The following DNER variants were observed in gnomAD, a reference collection of about 807,000 sequenced individuals.
DNER encodes the protein delta and Notch-like epidermal growth factor-related receptor.
Under a neutral mutation model 78.2 loss-of-function variants are expected in DNER, and 33 were observed. That is an observed-to-expected ratio of 0.42 (90% CI 0.32 to 0.56). The LOEUF (loss-of-function observed/expected upper bound fraction) is 0.56, where lower values mean the gene tolerates loss of function less well. Ranked by LOEUF, DNER falls within the 20% of genes least tolerant of loss-of-function variation. DNER has a pLI of 0.11. For missense variants in DNER, 918 were observed against 975.3 expected, an observed-to-expected ratio of 0.94 and a Z score of 0.78; for synonymous variants, 417 against 384.8, an observed-to-expected ratio of 1.08 and a Z score of -0.98.
intron 6 of DNER, among the ~76,000 whole-genome samples, chr2:229,478,087 G>A (rs1695074925): frequency 1.3e-5 from 2 of 152,132 alleles, no homozygotes; most frequent in Non-Finnish European, 2.9e-5. Context: ...GGTAAAGAAA[G>A]TTTGGAAAAT....
At chr2:229,520,424 T>C (rs1235907966) in intron 5 of DNER, among the ~76,000 whole-genome samples, 1 of 152,130 alleles carries the variant, frequency 6.6e-6, no homozygotes. Context: ...CCCAGGCCAA[T>C]TTTGATTTCC....
chr2:229,629,533 G>C (rs904238752), intron 1 of DNER, among the ~76,000 whole-genome samples: 1 of 152,188 alleles, frequency 6.6e-6, no homozygotes, highest in Non-Finnish European at 1.5e-5. Flanking sequence ...GCCAGTTTGA[G>C]TGAGTCAGCC....
At chr2:229,684,167 AGAGTGTGTGT>A (rs1169269294) in intron 1 of DNER, among the ~76,000 whole-genome samples, 3 of 103,180 alleles carry the variant, frequency 2.9e-5, no homozygotes, top group African/African-American at 7.8e-5. Context: ...AGAGAGAGAG[AGAGTGTGTGT>A]GTGTGTGTGT....
Position 229,415,070 on chromosome 2 carries a change from G to T in DNER, c.1609+3038C>A, listed in dbSNP as rs568133859. 2.0e-5 allele frequency among the ~76,000 whole-genome samples: 3 copies of T among 152,264 alleles called. No individual in the cohort carries two copies. The South Asian group carries it at 6.2e-4, about 32-fold the overall frequency. The stretch of plus-strand genomic sequence containing the variant: ...CCAGCTACTCAGGAGGCTGAGGCAG[G>T]AGAATCGCTTGAACCCAGGAGGTGG... On this transcript the variant is annotated intron_variant, in intron 9 of 12. Transcript: ENST00000341772.
intron 1 of DNER, among the ~76,000 whole-genome samples, chr2:229,669,369 C>CATATATATATATATATATATATATAT (rs58371383): frequency 4.8e-4 from 69 of 144,748 alleles, no homozygotes; most frequent in South Asian, 2.7e-3. Context: ...TGTATACATA[C>CATATATATATATATATATATATATAT]ATATATATAT....
intron 8 of DNER, among the ~76,000 whole-genome samples, chr2:229,427,880 G>T (rs1693914307): frequency 6.6e-6 from 1 of 151,938 alleles, no homozygotes. Context: ...TTCGAGACCA[G>T]CCTGACCAAC....
intron 10 of DNER, among the ~76,000 whole-genome samples, chr2:229,399,827 A>G (rs1693229748): frequency 6.6e-6 from 1 of 151,990 alleles, no homozygotes; most frequent in Admixed American, 6.6e-5. Context: ...ACATAAGCAA[A>G]TGTAAATAAA....
intron 1 of DNER, among the ~76,000 whole-genome samples, chr2:229,612,384 A>C (rs990759431): frequency 1.3e-5 from 2 of 152,182 alleles, no homozygotes; most frequent in Non-Finnish European, 2.9e-5. Context: ...CTGACTGTTA[A>C]AAGGACAAAA....
At chr2:229,586,874 G>A in intron 3 of DNER, 1 of 985,526 alleles carries the variant, frequency 1.0e-6, no homozygotes. Context: ...GGCTCCTGGC[G>A]TGCAGCAGGG....
At chr2:229,457,607 C>G (rs969932776) in intron 7 of DNER, among the ~76,000 whole-genome samples, 3 of 151,296 alleles carry the variant, frequency 2.0e-5, no homozygotes, top group Non-Finnish European at 4.4e-5. Flanking sequence ...ATTTACCCAC[C>G]CACCCCCACC....
chr2:229,379,354 T>C (rs769370537), intron 11 of DNER, among the ~76,000 whole-genome samples: 5 of 152,178 alleles, frequency 3.3e-5, no homozygotes, highest in African/African-American at 7.2e-5. Context: ...AGCCTTCCTA[T>C]AATCAAGTGA....
chr2:229,445,686 A>C (rs1304233890), intron 8 of DNER, among the ~76,000 whole-genome samples: 1 of 152,190 alleles, frequency 6.6e-6, no homozygotes, highest in Non-Finnish European at 1.5e-5. Context: ...ACCTCGCCTG[A>C]GTTTCCAGCC....
At chr2:229,613,820 A>G (rs144917723) in intron 1 of DNER, among the ~76,000 whole-genome samples, 29 of 152,332 alleles carry the variant, frequency 1.9e-4, no homozygotes, top group African/African-American at 6.3e-4. Context: ...TACATAGAGT[A>G]TCAAGCCCCC....
intron 10 of DNER, among the ~76,000 whole-genome samples, chr2:229,398,529 G>A (rs1395021991): frequency 6.6e-6 from 1 of 152,040 alleles, no homozygotes; most frequent in African/African-American, 2.4e-5. Context: ...ACCAAAACTA[G>A]ACAAATACAT....
intron 5 of DNER, among the ~76,000 whole-genome samples, chr2:229,528,933 C>G (rs982780366): frequency 2.0e-5 from 3 of 152,298 alleles, no homozygotes; most frequent in African/African-American, 7.2e-5. Context: ...GTGGGAGATG[C>G]TTCCTACCAG....
chr2:229,592,838 T>C (rs1308233838), intron 1 of DNER, among the ~76,000 whole-genome samples: 1 of 152,222 alleles, frequency 6.6e-6, no homozygotes, highest in East Asian at 1.9e-4. Context: ...CAGGGCTGAC[T>C]ACAAAACAGA....
At chr2:229,654,277 G>A (rs1698874164) in intron 1 of DNER, among the ~76,000 whole-genome samples, 1 of 152,126 alleles carries the variant, frequency 6.6e-6, no homozygotes, top group East Asian at 1.9e-4. Flanking sequence ...AATACCATTT[G>A]ACCCAGCCAT....
chr2:229,479,712 CAAAAA>C (rs1023070502), intron 6 of DNER, among the ~76,000 whole-genome samples: 1 of 79,816 alleles, frequency 1.3e-5, no homozygotes, highest in African/African-American at 4.7e-5. Flanking sequence ...GACTTTGTCT[CAAAAA>C]AAAAAAAAAA....
chr2:229,357,911 T>A lies in DNER; in HGVS notation c.*629A>T, dbSNP rs1200202163. The stretch of plus-strand genomic sequence containing the variant: ...GAATTTGCCTCGCTAGGCCTTTTCG[T>A]TACGTATGTTTTTGAGGCCTAGTTC... On this transcript the variant is annotated 3_prime_UTR_variant, in exon 13 of 13. Transcript: ENST00000341772. 1.3e-5 allele frequency: 2 copies of A among 152,626 alleles called. No homozygotes were observed. Among genetic ancestry groups the A allele is most frequent in the Non-Finnish European group, 2.9e-5 (2 of 68,046 alleles). 9.5% of individuals were successfully genotyped at this position (152,626 alleles called of 1,614,324 possible).
Sources: allele counts gnomAD v4.1 joint callset (sites outside exome capture counted in the v4.1 genomes callset), GRCh38; gene constraint gnomAD v4.1.1; transcripts MANE v1.5; gene names NCBI Gene and HGNC (gene_info 2026-07-23, HGNC 2026-07-21).